WNT7B: variants seen among roughly 807,000 people sequenced by gnomAD.
WNT7B encodes the protein Wnt family member 7B.
WNT7B carries 19 observed loss-of-function variants against 38.2 expected under a neutral mutation model. That is an observed-to-expected ratio of 0.50 (90% CI 0.35 to 0.73). The LOEUF (loss-of-function observed/expected upper bound fraction) is 0.73, where lower values mean the gene tolerates loss of function less well. Ranked by LOEUF, WNT7B falls within the 30% of genes least tolerant of loss-of-function variation. WNT7B has a pLI of 0.01. For missense variants in WNT7B, 423 were observed against 507.9 expected, an observed-to-expected ratio of 0.83 and a Z score of 1.61; for synonymous variants, 243 against 209.3, an observed-to-expected ratio of 1.16 and a Z score of -1.39.
In WNT7B at chr22:45,966,160, C is replaced by A. The variant is rs954220780; in HGVS notation, c.71+10524G>T. 3.9e-5 allele frequency among the ~76,000 whole-genome samples: 6 copies of A among 152,210 alleles called. No homozygotes were observed. Among genetic ancestry groups the A allele is most frequent in the African/African-American group, 1.2e-4 (5 of 41,458 alleles). On this transcript the variant is annotated intron_variant, in intron 1 of 3. Coordinates refer to ENST00000339464, the MANE Select transcript of WNT7B (RefSeq NM_058238.3). The surrounding 1 kb of genome is among the most constrained non-coding windows in gnomAD (Gnocchi z 4.2). The stretch of plus-strand genomic sequence containing the variant: ...CACACGTCAGTCCCACTAGGGAGGG[C>A]CTTCTGGGGGAAACTGAGTCCTCCA...
intron 3 of WNT7B, among the ~76,000 whole-genome samples, chr22:45,924,546 G>A (rs561751432): frequency 6.6e-6 from 1 of 152,376 alleles, no homozygotes; most frequent in African/African-American, 2.4e-5. Flanking sequence ...GTCGGAGCTC[G>A]TTAGACAAAG....
chr22:45,960,278 C>T (rs1932166071), intron 1 of WNT7B, among the ~76,000 whole-genome samples: 1 of 152,206 alleles, frequency 6.6e-6, no homozygotes, highest in Non-Finnish European at 1.5e-5. Context: ...CTGAGCTCTC[C>T]ACTGCAGAGA....
chr22:45,936,607 T>G (rs1245920748), intron 2 of WNT7B, among the ~76,000 whole-genome samples: 1 of 152,160 alleles, frequency 6.6e-6, no homozygotes, highest in African/African-American at 2.4e-5. Flanking sequence ...ACTCAAGCCC[T>G]CAAAGGACCC....
intron 1 of WNT7B, among the ~76,000 whole-genome samples, chr22:45,974,618 G>T (rs1932515125): frequency 6.6e-6 from 1 of 152,136 alleles, no homozygotes; most frequent in African/African-American, 2.4e-5. Context: ...TGGCTCACCA[G>T]GGGGAGGAGT....
chr22:45,948,406 A>G (rs893940976), intron 2 of WNT7B, among the ~76,000 whole-genome samples: 3 of 152,086 alleles, frequency 2.0e-5, no homozygotes, highest in Non-Finnish European at 4.4e-5. Context: ...GCTGCTCACC[A>G]CAAAGCGGGC....
At chr22:45,970,506 A>C (rs1601743715) in intron 1 of WNT7B, among the ~76,000 whole-genome samples, 4 of 150,066 alleles carry the variant, frequency 2.7e-5, no homozygotes, top group African/African-American at 4.9e-5. Context: ...GCCCCTGCGC[A>C]CCTCCCTCTC....
chr22:45,926,855 C>T, intron 3 of WNT7B: 1 of 985,442 alleles, frequency 1.0e-6, no homozygotes, highest in Non-Finnish European at 1.2e-6. Context: ...GGGTGTGCCC[C>T]TCCCAGGATC....
At chr22:45,929,635 T>C (rs868868636) in intron 3 of WNT7B, among the ~76,000 whole-genome samples, 27 of 116,174 alleles carry the variant, frequency 2.3e-4, no homozygotes, top group Admixed American at 9.7e-4. Flanking sequence ...CTTCCATCCA[T>C]GCATCCACTC....
chr22:45,929,783 C>CTCAA (rs1347336879), intron 3 of WNT7B, among the ~76,000 whole-genome samples: 13 of 123,434 alleles, frequency 1.1e-4, no homozygotes, highest in African/African-American at 3.6e-4. Context: ...CTTCCATCCA[C>CTCAA]CCACCGATCC....
intron 2 of WNT7B, among the ~76,000 whole-genome samples, chr22:45,943,028 TGTGTGCGC>T (rs1379534068): frequency 1.4e-5 from 2 of 146,754 alleles, no homozygotes; most frequent in Admixed American, 1.3e-4. Context: ...CATGTGTATG[TGTGTGCGC>T]GTGTGTGCAG....
In WNT7B at chr22:45,966,957, A is replaced by T. The variant is rs911369794; in HGVS notation, c.71+9727T>A. Among the ~76,000 whole-genome samples the T allele has an allele frequency of 2.6e-5, 4 of 152,078 alleles. No homozygotes were observed. Among genetic ancestry groups the T allele is most frequent in the African/African-American group, 9.7e-5 (4 of 41,414 alleles). ...GCTTGTATGCCTCCGGGGCTGGAGA[A>T]CTCACTGCCTCTCTGCCAACAGTGG... On this transcript the variant is annotated intron_variant, in intron 1 of 3. Transcript: ENST00000339464. The surrounding 1 kb of genome is among the most constrained non-coding windows in gnomAD (Gnocchi z 4.2).
At chr22:45,972,116 G>GGT in intron 1 of WNT7B, 1 of 530,746 alleles carries the variant, frequency 1.9e-6, no homozygotes. Context: ...CCCGGGGGGA[G>GGT]CCCACCCGCC....
chr22:45,950,413 G>A (rs921897713), intron 1 of WNT7B, among the ~76,000 whole-genome samples: 1 of 152,212 alleles, frequency 6.6e-6, no homozygotes, highest in Admixed American at 6.5e-5. Flanking sequence ...GGAGAATCAC[G>A]CAACCGCAAG....
chr22:45,920,740 T>TGG lies in WNT7B; in HGVS notation c.*2114_*2115dup, dbSNP rs1157186752. 2 of 38,860 alleles carry TGG rather than the reference T, an allele frequency of 5.1e-5. No homozygotes were observed. Among genetic ancestry groups the TGG allele is most frequent in the East Asian group, 1.5e-3 (2 of 1,378 alleles). The allele number at this position is 38,860 out of a possible 1,614,324, so 2.4% of individuals were successfully genotyped here. On this transcript the variant is annotated 3_prime_UTR_variant, in exon 4 of 4. Coordinates refer to ENST00000339464, the MANE Select transcript of WNT7B (RefSeq NM_058238.3). ...ATGGGATGAGGGATGAGATGAGGGATGGGATGGGATGGGGGATGAGGGATG... is the reference window on the plus strand; with the variant it reads ...ATGGGATGAGGGATGAGATGAGGGATGGGGGATGGGATGGGGGATGAGGGATG...
chr22:45,974,643 C>T (rs934879537), intron 1 of WNT7B, among the ~76,000 whole-genome samples: 9 of 152,116 alleles, frequency 5.9e-5, no homozygotes, highest in Non-Finnish European at 1.0e-4. Flanking sequence ...CCTCCAGGGG[C>T]CCTGGGTGGG....
At chr22:45,926,726 C>T (rs1931096296) in intron 3 of WNT7B, 2 of 985,292 alleles carry the variant, frequency 2.0e-6, no homozygotes, top group Non-Finnish European at 2.4e-6. Context: ...GACCTGTGAG[C>T]CCCTCAGGGA....
intron 2 of WNT7B, among the ~76,000 whole-genome samples, chr22:45,941,242 G>C (rs1033331952): frequency 4.6e-5 from 7 of 152,204 alleles, no homozygotes; most frequent in Non-Finnish European, 1.0e-4. Flanking sequence ...GGGCGCGGTG[G>C]CTCACGCCTG....
At chr22:45,948,253 G>A (rs1002970317) in intron 2 of WNT7B, among the ~76,000 whole-genome samples, 3 of 152,194 alleles carry the variant, frequency 2.0e-5, no homozygotes, top group Non-Finnish European at 2.9e-5. Flanking sequence ...GTGAGCACTC[G>A]TGCCGACGCC....
intron 3 of WNT7B, 147 bp from the exon 4 acceptor site, chr22:45,923,482 C>T (rs1930991533): frequency 1.7e-6 from 2 of 1,164,324 alleles, no homozygotes; most frequent in Non-Finnish European, 2.3e-6. Flanking sequence ...CCTCTCTGAC[C>T]CTCAGCCTCC....
Sources: allele counts gnomAD v4.1 joint callset (sites outside exome capture counted in the v4.1 genomes callset), GRCh38; gene constraint gnomAD v4.1.1; non-coding constraint Gnocchi (gnomAD v3.1); transcripts MANE v1.5; gene names NCBI Gene and HGNC (gene_info 2026-07-23, HGNC 2026-07-21).